Variants in COL5A2 observed in about 807,000 individuals in gnomAD.
The protein encoded by COL5A2 is collagen alpha-2(V) chain.
A neutral mutation model predicts 208.2 loss-of-function variants in COL5A2; 23 were observed. The ratio of observed to expected loss-of-function variants is 0.11; its 90% CI spans 0.08 to 0.16. The LOEUF is 0.16. Ranked by LOEUF, COL5A2 falls within the 10% of genes least tolerant of loss-of-function variation. The pLI is 1.00. For missense variants in COL5A2, 1,590 were observed against 1,956.4 expected, an observed-to-expected ratio of 0.81 and a Z score of 3.53; for synonymous variants, 625 against 628.5, an observed-to-expected ratio of 0.99 and a Z score of 0.08.
chr2:189,092,261 A>T, intron 7 of COL5A2, 49 bp downstream of exon 7: 1 of 1,135,946 alleles, frequency 8.8e-7, no homozygotes, highest in Non-Finnish European at 1.3e-6. Context: ...ATATATCAAT[A>T]ATTTAAAACA....
intron 47 of COL5A2, 145 bp downstream of exon 47, chr2:189,045,034 G>C (rs755020711): frequency 1.6e-5 from 8 of 506,654 alleles, no homozygotes; most frequent in Non-Finnish European, 2.4e-5. Flanking sequence ...TAAAAAATAA[G>C]AGTAAACTTA....
At chr2:189,228,398 A>G (rs867953017), upstream of COL5A2, among the ~76,000 whole-genome samples, 86 of 151,934 alleles carry the variant, frequency 5.7e-4, no homozygotes, top group African/African-American at 2.0e-3. Flanking sequence ...AACAAAACCA[A>G]CACACGTTAC....
the COL5A2 span, among the ~76,000 whole-genome samples, chr2:189,431,356 C>T: frequency 6.6e-6 from 1 of 152,042 alleles, no homozygotes; most frequent in African/African-American, 2.4e-5. Flanking sequence ...GATGAGTCGA[C>T]AAAAGTAGGC....
At chr2:189,231,683 A>AT in the COL5A2 span, among the ~76,000 whole-genome samples, 1 of 151,828 alleles carries the variant, frequency 6.6e-6, no homozygotes, top group Non-Finnish European at 1.5e-5. Context: ...GACAGAGATG[A>AT]TACAGATAAA....
the COL5A2 span, among the ~76,000 whole-genome samples, chr2:189,427,154 C>A: frequency 1.3e-5 from 2 of 152,240 alleles, no homozygotes; most frequent in Non-Finnish European, 2.9e-5. Context: ...AGGCCCAGGG[C>A]CCCTCTGCCC....
At chr2:189,086,579 A>G (rs1686667743) in intron 9 of COL5A2, 147 bp downstream of exon 9, 2 of 555,810 alleles carry the variant, frequency 3.6e-6, no homozygotes, top group Non-Finnish European at 6.3e-6. Context: ...CTAAATAAAA[A>G]CTATTTAATA....
chr2:189,191,346 G>T (rs1004499762), intron 1 of COL5A2, among the ~76,000 whole-genome samples: 2 of 152,000 alleles, frequency 1.3e-5, no homozygotes, highest in African/African-American at 4.8e-5. Context: ...TATTTTAAAA[G>T]CTAACTGCAA....
chr2:189,303,986 T>C, the COL5A2 span, among the ~76,000 whole-genome samples: 1 of 152,188 alleles, frequency 6.6e-6, no homozygotes, highest in African/African-American at 2.4e-5. Flanking sequence ...GTAGATTAGG[T>C]CTCTGCAACT....
intron 1 of COL5A2, among the ~76,000 whole-genome samples, chr2:189,152,755 G>A (rs544595968): frequency 6.6e-6 from 1 of 152,274 alleles, no homozygotes; most frequent in Non-Finnish European, 1.5e-5. Context: ...AATGAGCTAG[G>A]GTGGAGAGCA....
At chr2:189,440,541 C>T in the COL5A2 span, among the ~76,000 whole-genome samples, 1 of 152,162 alleles carries the variant, frequency 6.6e-6, no homozygotes, top group African/African-American at 2.4e-5. Flanking sequence ...ATGTTATATG[C>T]ATTGATTGAA....
chr2:189,161,573 C>A (rs1478555064), intron 1 of COL5A2, among the ~76,000 whole-genome samples: 1 of 152,100 alleles, frequency 6.6e-6, no homozygotes, highest in African/African-American at 2.4e-5. Flanking sequence ...AAAACTTAGG[C>A]AAGGTTGTGC....
intron 1 of COL5A2, among the ~76,000 whole-genome samples, chr2:189,184,999 A>G (rs1308737361): frequency 6.6e-6 from 1 of 152,194 alleles, no homozygotes; most frequent in Non-Finnish European, 1.5e-5. Context: ...GCGTTGTTAT[A>G]CAAACAAATG....
the COL5A2 span, among the ~76,000 whole-genome samples, chr2:189,299,198 G>T: frequency 6.6e-6 from 1 of 152,074 alleles, no homozygotes; most frequent in Non-Finnish European, 1.5e-5. Context: ...TTACTATTTT[G>T]CTGGCTTTAA....
rs1224697843 is a variant in COL5A2 at position 189,079,116 on chromosome 2, A to T, written c.961-9T>A. 1.9e-6 allele frequency: 3 copies of T among 1,610,686 alleles called. No homozygotes were observed. Among genetic ancestry groups the T allele is most frequent in the Non-Finnish European group, 2.5e-6 (3 of 1,177,054 alleles). On this transcript the variant is annotated splice_polypyrimidine_tract_variant and intron_variant, in intron 14 of 53. Coordinates refer to ENST00000374866, the MANE Select transcript of COL5A2 (RefSeq NM_000393.5). ...GTGGGGCCAGCTTCACCCTAAAAAA[A>T]AATGAGAATACATTACAGTATGAGA... is the stretch of plus-strand genomic sequence containing the variant.
chr2:189,363,155 T>C, the COL5A2 span, among the ~76,000 whole-genome samples: 1 of 152,134 alleles, frequency 6.6e-6, no homozygotes, highest in African/African-American at 2.4e-5. Context: ...CATTAACTTT[T>C]TAAAAAAATT....
chr2:189,396,990 CAAAAAAAA>C, the COL5A2 span, among the ~76,000 whole-genome samples: 2 of 95,800 alleles, frequency 2.1e-5, no homozygotes, highest in Non-Finnish European at 4.1e-5. Context: ...GACTCCGTCT[CAAAAAAAA>C]AAAAAAAAAA....
chr2:189,408,499 C>T, the COL5A2 span, among the ~76,000 whole-genome samples: 1 of 152,078 alleles, frequency 6.6e-6, no homozygotes, highest in African/African-American at 2.4e-5. Context: ...CTGAAGACCA[C>T]AGGATATGAA....
At chr2:189,267,466 T>C in the COL5A2 span, among the ~76,000 whole-genome samples, 1 of 152,070 alleles carries the variant, frequency 6.6e-6, no homozygotes, top group Admixed American at 6.6e-5. Context: ...AAAAGGAACA[T>C]GCTAAATGCA....
chr2:189,187,518 C>A (rs985314114), intron 1 of COL5A2, among the ~76,000 whole-genome samples: 1 of 152,106 alleles, frequency 6.6e-6, no homozygotes, highest in East Asian at 1.9e-4. Flanking sequence ...ATATTACCTA[C>A]CTCATTGGTA....
Sources: allele counts gnomAD v4.1 joint callset (sites outside exome capture counted in the v4.1 genomes callset), GRCh38; gene constraint gnomAD v4.1.1; transcripts MANE v1.5; gene names NCBI Gene and HGNC (gene_info 2026-07-23, HGNC 2026-07-21).